PTPRS: variants seen among roughly 807,000 people sequenced by gnomAD.
PTPRS encodes receptor-type tyrosine-protein phosphatase S.
PTPRS carries 63 observed loss-of-function variants against 215.3 expected under a neutral mutation model. The ratio of observed to expected loss-of-function variants is 0.29; its 90% confidence interval spans 0.24 to 0.36. The LOEUF is 0.36. Ranked by LOEUF, PTPRS falls within the 10% of genes least tolerant of loss-of-function variation. PTPRS has a pLI of 1.00. For missense variants in PTPRS, 2,258 were observed against 2,825.8 expected (o/e 0.80, Z 4.56); for synonymous variants, 1,404 against 1,191.4 (o/e 1.18, Z -3.68).
rs1272590885 is a variant in PTPRS, at chr19:5,257,396, G to A, written c.706+621C>T. ...CCCCCCGGGTGCCTGTGCCCGCTGT[G>A]GCTCCAGCCTCCCATCGGCCTGGAC... is the stretch of plus-strand genomic sequence containing the variant. On this transcript the variant is annotated intron_variant, in intron 8 of 37. Transcript: ENST00000262963. This position sits in a 1 kb window ranked among gnomAD's most constrained non-coding sequence, Gnocchi z 4.4. The A allele has an allele frequency of 4.4e-6, 2 of 456,662 alleles. No individual in the cohort carries two copies. The highest frequency in any genetic ancestry group is 3.1e-5 in the South Asian group (2 of 64,536). The allele number at this position is 456,662 out of a possible 1,614,324, so 28.3% of individuals were successfully genotyped here.
At chr19:5,315,775 C>T (rs149557318) in intron 1 of PTPRS, among the ~76,000 whole-genome samples, 45 of 148,084 alleles carry the variant, frequency 3.0e-4, no homozygotes, top group African/African-American at 7.5e-4. Context: ...CACAGGCACA[C>T]GCCATCACAC....
chr19:5,290,679 G>A (rs1372913973), intron 1 of PTPRS, among the ~76,000 whole-genome samples: 1 of 152,040 alleles, frequency 6.6e-6, no homozygotes, highest in Non-Finnish European at 1.5e-5. Context: ...GGGAGTCTGG[G>A]GGCCTAGTCC....
chr19:5,263,485 C>G (rs527415606), intron 5 of PTPRS, among the ~76,000 whole-genome samples: 1 of 152,080 alleles, frequency 6.6e-6, no homozygotes. Context: ...CGGGGAGGTA[C>G]TGCTGCAAAG....
intron 20 of PTPRS, among the ~76,000 whole-genome samples, chr19:5,220,779 A>G (rs1005555218): frequency 2.6e-4 from 39 of 152,142 alleles, no homozygotes; most frequent in African/African-American, 9.4e-4. Context: ...GGTCAGGCAT[A>G]TGGGGTATCA....
chr19:5,251,532 C>T (rs903688645), intron 9 of PTPRS, among the ~76,000 whole-genome samples: 7 of 151,788 alleles, frequency 4.6e-5, no homozygotes, highest in African/African-American at 1.2e-4. Flanking sequence ...CCCCCCCAAC[C>T]TCGCTGTGGC....
chr19:5,293,618 G>T lies in PTPRS; in HGVS notation c.-94-7384C>A, dbSNP rs1405785369. On this transcript the variant is annotated intron_variant, in intron 1 of 37. Coordinates refer to ENST00000262963, the MANE Select transcript of PTPRS (RefSeq NM_002850.4). The surrounding 1 kb of genome is among the most constrained non-coding windows in gnomAD (Gnocchi z 8.4). ...TGGATGCCGGACAGGGCGGCGGAGG[G>T]CTCCCCAAACACACCCAACTACAGG... Among the ~76,000 whole-genome samples, 4 of 152,102 alleles carry T rather than the reference G, an allele frequency of 2.6e-5. No individual in the cohort carries two copies. Among genetic ancestry groups the T allele is most frequent in the Admixed American group, 2.6e-4 (4 of 15,288 alleles).
chr19:5,215,783 AG>A (rs1321798080), intron 26 of PTPRS, among the ~76,000 whole-genome samples, 188 bp from the exon 27 acceptor site: 1 of 152,060 alleles, frequency 6.6e-6, no homozygotes, highest in Admixed American at 6.5e-5. Context: ...CCCCAGGCCT[AG>A]GGGACTCTAA....
At position 5,218,550 on chromosome 19, in the gene PTPRS, G is replaced by A. The variant is rs150472995; in HGVS notation, c.3936-18C>T. The A allele has an allele frequency of 2.1e-4, 336 of 1,610,622 alleles. No individual in the cohort carries two copies. In the African/African-American group the frequency reaches 3.3e-3, roughly 16 times the overall value. On this transcript the variant is annotated intron_variant, in intron 24 of 37. Coordinates refer to ENST00000262963, the MANE Select transcript of PTPRS (RefSeq NM_002850.4). ...TGCGTTTACTTTAGGAGAAGCAAGCGGAACAGTCCAGTTAGTAGTGGCACA... is the reference window on the plus strand; with the variant it reads ...TGCGTTTACTTTAGGAGAAGCAAGCAGAACAGTCCAGTTAGTAGTGGCACA...
Position 5,221,112 on chromosome 19 carries a change from C to T in PTPRS, c.3343G>A (p.Ala1115Thr), listed in dbSNP as rs769925793. ...SLGGLQQTVT[A>T]WTAFNLLNGK... ...TTGAGCAGGTTGAAGGCAGTCCAGG[C>T]GGTGACCGTCTGCTGGAGGCCGCCC... is the stretch of plus-strand genomic sequence containing the variant. Residue 1115 changes from alanine (A) to threonine (T), a missense_variant, in exon 20 of 38, where the codon GCC (alanine) becomes ACC (threonine). By Grantham distance (58) the Ala-to-Thr change is moderately conservative (BLOSUM62 0). Transcript: ENST00000262963. 1.5e-4 allele frequency: 247 copies of T among 1,613,776 alleles called. No individual in the cohort carries two copies. Among genetic ancestry groups the T allele is most frequent in the Non-Finnish European group, 2.0e-4 (238 of 1,179,996 alleles).
At chr19:5,336,498 C>T (rs1360439310) in intron 1 of PTPRS, among the ~76,000 whole-genome samples, 1 of 152,080 alleles carries the variant, frequency 6.6e-6, no homozygotes, top group African/African-American at 2.4e-5. Context: ...CCTCAATCCC[C>T]TTCCAGCATC....
At chr19:5,316,822 C>T (rs139621966) in intron 1 of PTPRS, among the ~76,000 whole-genome samples, 1,661 of 152,268 alleles carry the variant, frequency 0.011, 24 homozygotes, top group African/African-American at 0.037. Flanking sequence ...AGCCACCACA[C>T]CCGGCTGTGA....
chr19:5,242,880 T>G (rs1474396231), intron 11 of PTPRS, among the ~76,000 whole-genome samples: 2 of 152,112 alleles, frequency 1.3e-5, no homozygotes, highest in East Asian at 3.8e-4. Flanking sequence ...TTTTTGTGTG[T>G]GTAGAGATGG....
intron 13 of PTPRS, among the ~76,000 whole-genome samples, chr19:5,238,503 G>A (rs1273525555): frequency 1.3e-5 from 2 of 152,180 alleles, no homozygotes; most frequent in Non-Finnish European, 2.9e-5. Context: ...GAATGATGGG[G>A]TGCGAGCCGT....
intron 2 of PTPRS, among the ~76,000 whole-genome samples, chr19:5,276,383 T>C (rs1174421869): frequency 1.3e-5 from 2 of 150,872 alleles, no homozygotes; most frequent in Non-Finnish European, 3.0e-5. Flanking sequence ...CCACCACGCC[T>C]GGCTAATTTT....
At chr19:5,282,732 G>A (rs1464318963) in intron 2 of PTPRS, among the ~76,000 whole-genome samples, 3 of 151,624 alleles carry the variant, frequency 2.0e-5, no homozygotes, top group Admixed American at 2.0e-4. Context: ...AACCTGGGAG[G>A]CAGAGGCTGC....
intron 13 of PTPRS, among the ~76,000 whole-genome samples, chr19:5,238,182 A>G (rs998986037): frequency 3.3e-5 from 5 of 152,120 alleles, no homozygotes; most frequent in African/African-American, 9.7e-5. Flanking sequence ...AGACGGCAGA[A>G]GGGGCCTGTC....
intron 1 of PTPRS, among the ~76,000 whole-genome samples, chr19:5,329,704 G>A (rs2050263845): frequency 6.6e-6 from 1 of 151,784 alleles, no homozygotes; most frequent in Admixed American, 6.6e-5. Flanking sequence ...GGTGGAGCTG[G>A]CAGTGAGCTG....
At chr19:5,209,284 C>T (rs1025563473) in intron 35 of PTPRS, among the ~76,000 whole-genome samples, 5 of 152,154 alleles carry the variant, frequency 3.3e-5, no homozygotes, top group Non-Finnish European at 5.9e-5. Flanking sequence ...TCTCTGCCAT[C>T]TTCCATCCTT....
In PTPRS at chr19:5,221,281, C is replaced by T. The variant is rs146226852; in HGVS notation, c.3202-28G>A. On this transcript the variant is annotated intron_variant, in intron 19 of 37. Coordinates refer to ENST00000262963, the MANE Select transcript of PTPRS (RefSeq NM_002850.4). ...GCGGACCAGGGCTAGCTCAGCAGGGCCTGGTGGGCTCATGCCCATGGACTG... is the reference window on the plus strand; with the variant it reads ...GCGGACCAGGGCTAGCTCAGCAGGGTCTGGTGGGCTCATGCCCATGGACTG... 7,319 of 1,595,408 alleles carry T rather than the reference C, an allele frequency of 4.6e-3. 25 individuals are homozygous for T. Among genetic ancestry groups the T allele is most frequent in the Middle Eastern group, 8.9e-3 (53 of 5,932 alleles).
Sources: allele counts gnomAD v4.1 joint callset (sites outside exome capture counted in the v4.1 genomes callset), GRCh38; gene constraint gnomAD v4.1.1; non-coding constraint Gnocchi (gnomAD v3.1); transcripts MANE v1.5; gene names NCBI Gene and HGNC (gene_info 2026-07-23, HGNC 2026-07-21).